The following INO80C variants were observed in gnomAD, a reference collection of about 807,000 sequenced individuals.
The protein encoded by INO80C is IES6 homolog.
INO80C carries 17 observed loss-of-function variants against 17.7 expected under a neutral mutation model. The ratio of observed to expected loss-of-function variants is 0.96; its 90% CI spans 0.66 to 1.44. The LOEUF is 1.44. Ranked by LOEUF, INO80C falls within the 40% of genes most tolerant of loss-of-function variation. The pLI, the probability that INO80C is intolerant of heterozygous loss-of-function variation, is 0.00. For synonymous variants in INO80C, 96 were observed against 95.8 expected (o/e 1.00, Z -0.01); for missense variants, 244 against 245.0 (o/e 1.00, Z 0.03).
chr18:35,487,921 C>T (rs1368229618), intron 1 of INO80C: 1 of 152,160 alleles, frequency 6.6e-6, no homozygotes, highest in Non-Finnish European at 1.5e-5. Flanking sequence ...TAGGCCAAAA[C>T]AAAGGGGCTA....
At chr18:35,493,781 C>A (rs1458932657) in intron 1 of INO80C, among the ~76,000 whole-genome samples, 1 of 152,214 alleles carries the variant, frequency 6.6e-6, no homozygotes, top group East Asian at 1.9e-4. Context: ...AAAAGGCACT[C>A]TAATGTCCTA....
Position 35,470,987 on chromosome 18 carries a change from G to A in INO80C, c.448-2245C>T, listed in dbSNP as rs539197730. ...GACAGGCAGTATTCACGGCTTGCCC[G>A]TCTCACCCAGAATACACTTTTCATA... On this transcript the variant is annotated intron_variant, in intron 4 of 4. Transcript: ENST00000334598. Among the ~76,000 whole-genome samples, 14 of 152,322 alleles carry A rather than the reference G, an allele frequency of 9.2e-5. No individual in the cohort carries two copies. In the South Asian group the frequency reaches 2.1e-3, roughly 23 times the overall value.
Position 35,497,901 on chromosome 18 carries a change from C to T in INO80C, c.-27G>A. 8 of 1,508,276 alleles carry T rather than the reference C, an allele frequency of 5.3e-6. No individual in the cohort carries two copies. The highest frequency in any genetic ancestry group is 2.6e-5 in the East Asian group (1 of 38,824). The allele number at this position is 1,508,276 out of a possible 1,614,324, so 93.4% of individuals were successfully genotyped here. The stretch of plus-strand genomic sequence containing the variant: ...GCACTCCGAGTCTTCCCCTGGTCCC[C>T]CCACCTTTTTCCCAGCGCGGGCCTT... On this transcript the variant is annotated 5_prime_UTR_variant, in exon 1 of 5. Transcript: ENST00000334598.
intron 1 of INO80C, among the ~76,000 whole-genome samples, chr18:35,496,468 G>A (rs1354702038): frequency 6.6e-6 from 1 of 152,238 alleles, no homozygotes; most frequent in Non-Finnish European, 1.5e-5. Flanking sequence ...GTACTGACAG[G>A]AAAATGTCAC....
chr18:35,472,634 G>C (rs537456067), intron 4 of INO80C, among the ~76,000 whole-genome samples: 11 of 152,256 alleles, frequency 7.2e-5, no homozygotes, highest in African/African-American at 2.2e-4. Flanking sequence ...TGCAAGGTCA[G>C]AGGTTTTTCT....
Position 35,468,598 on chromosome 18 carries a change from C to A in INO80C, c.*13G>T. 3.1e-6 allele frequency: 5 copies of A among 1,614,130 alleles called. No individual in the cohort carries two copies. In the South Asian group the frequency reaches 5.5e-5, roughly 18 times the overall value. ...TTTGAAACAGCTTTCCACTTCATCT[C>A]CCTTTCTGGGGCTCAGGGAACGATG... On this transcript the variant is annotated 3_prime_UTR_variant, in exon 5 of 5. Transcript: ENST00000334598.
At position 35,474,238 on chromosome 18, in the gene INO80C, T is replaced by TAC. The variant is rs1242566035; in HGVS notation, c.447+4043_447+4044insGT. Among the ~76,000 whole-genome samples the TAC allele has an allele frequency of 3.8e-5, 5 of 133,252 alleles. 1 individual carries two copies. The highest frequency in any genetic ancestry group is 1.4e-4 in the African/African-American group (5 of 34,678). The allele number at this position is 133,252 out of a possible 152,430, so 87.4% of individuals were successfully genotyped here. The stretch of plus-strand genomic sequence containing the variant: ...ATATATATATATATATATATATATA[T>TAC]ATATATACTTAATAACTAAGTAGTC... On this transcript the variant is annotated intron_variant, in intron 4 of 4. Coordinates refer to ENST00000334598, the MANE Select transcript of INO80C (RefSeq NM_194281.4).
chr18:35,469,276 C>T (rs1460356288), intron 4 of INO80C, among the ~76,000 whole-genome samples: 1 of 152,202 alleles, frequency 6.6e-6, no homozygotes, highest in South Asian at 2.1e-4. Context: ...CCTAGAACTG[C>T]GGCCAGGATC....
chr18:35,474,594 C>T (rs769597845), intron 4 of INO80C, among the ~76,000 whole-genome samples: 1 of 151,874 alleles, frequency 6.6e-6, no homozygotes, highest in South Asian at 2.1e-4. Context: ...GGCTGAAGCA[C>T]GTGGATCGCT....
intron 4 of INO80C, 144 bp downstream of exon 4, chr18:35,478,138 G>A: frequency 1.7e-6 from 1 of 593,838 alleles, no homozygotes; most frequent in Non-Finnish European, 2.9e-6. Flanking sequence ...TTGCAGCAAT[G>A]AACACACTGC....
intron 1 of INO80C, 53 bp downstream of exon 1, chr18:35,497,666 G>A (rs1487326217): frequency 5.7e-6 from 9 of 1,575,198 alleles, no homozygotes; most frequent in South Asian, 4.6e-5. Context: ...GCTCCGCCCC[G>A]CCAAGTCCCG....
Position 35,479,299 on chromosome 18 carries a change from CAGTT to C in INO80C, c.376_379del (p.Asn126ThrfsTer58), listed in dbSNP as rs747597228. The C allele has an allele frequency of 1.3e-6, 2 of 1,593,008 alleles. No individual in the cohort carries two copies. Among genetic ancestry groups the C allele is most frequent in the Non-Finnish European group, 1.7e-6 (2 of 1,160,820 alleles). Reference sequence around the variant, plus strand: ...CACATGGAAGGCTCTAGACAGCTCACAGTTAGGATCGTTCAGTTGCCACGGCAAT... The same window carrying C: ...CACATGGAAGGCTCTAGACAGCTCACAGGATCGTTCAGTTGCCACGGCAAT... On this transcript the variant is annotated frameshift_variant and splice_region_variant, in exon 3 of 5. Coordinates refer to ENST00000334598, the MANE Select transcript of INO80C (RefSeq NM_194281.4). LOFTEE classifies it high-confidence loss of function.
intron 1 of INO80C, among the ~76,000 whole-genome samples, chr18:35,494,221 T>C (rs931685333): frequency 2.6e-5 from 4 of 152,206 alleles, no homozygotes; most frequent in African/African-American, 7.2e-5. Flanking sequence ...AATGGTTTCA[T>C]TTGTGTGATA....
Position 35,468,520 on chromosome 18 carries a change from ACAG to A in INO80C, c.*88_*90del, listed in dbSNP as rs2045629468. Reference sequence around the variant, plus strand: ...GCACAGCACTGGCATTTTCAGATTGACAGCAGAACGAGTTTGTTTCCGTGAAAC... The same window carrying A: ...GCACAGCACTGGCATTTTCAGATTGACAGAACGAGTTTGTTTCCGTGAAAC... On this transcript the variant is annotated 3_prime_UTR_variant, in exon 5 of 5. Coordinates refer to ENST00000334598, the MANE Select transcript of INO80C (RefSeq NM_194281.4). The A allele has an allele frequency of 6.3e-7, 1 of 1,585,436 alleles. No homozygotes were observed. The highest frequency in any genetic ancestry group is 1.4e-5 in the African/African-American group (1 of 73,910).
chr18:35,496,594 TG>T (rs1183918063), intron 1 of INO80C, among the ~76,000 whole-genome samples: 1 of 152,232 alleles, frequency 6.6e-6, no homozygotes, highest in African/African-American at 2.4e-5. Context: ...AGGCTCACTC[TG>T]TTGCCCAAGC....
intron 1 of INO80C, among the ~76,000 whole-genome samples, chr18:35,494,587 G>C (rs2045961701): frequency 6.6e-6 from 1 of 152,184 alleles, no homozygotes; most frequent in African/African-American, 2.4e-5. Context: ...CAAGAAGACA[G>C]GGGCCCTGCA....
chr18:35,478,242 C>A lies in INO80C; in HGVS notation c.447+40G>T, dbSNP rs770761840. On this transcript the variant is annotated intron_variant, in intron 4 of 4. Transcript: ENST00000334598. ...GTCTAATTAGACATTACTGTGAAAT[C>A]TTTTCCATTTAATGTTATAAGAGAT... 2.8e-6 allele frequency: 4 copies of A among 1,409,666 alleles called. No individual in the cohort carries two copies. In the East Asian group the frequency reaches 6.9e-5, roughly 24 times the overall value. 87.3% of individuals were successfully genotyped at this position (1,409,666 alleles called of 1,614,324 possible).
At chr18:35,468,818 T>G in intron 4 of INO80C, 76 bp from the exon 5 acceptor site, 1 of 1,397,560 alleles carries the variant, frequency 7.2e-7, no homozygotes, top group Middle Eastern at 1.8e-4. Flanking sequence ...TTTAAAAATT[T>G]TTTCTATTTC....
At chr18:35,473,239 T>G (rs2045691698) in intron 4 of INO80C, among the ~76,000 whole-genome samples, 1 of 152,232 alleles carries the variant, frequency 6.6e-6, no homozygotes, top group Non-Finnish European at 1.5e-5. Flanking sequence ...AGATGAGCTC[T>G]CTTGCCATAA....
Sources: allele counts gnomAD v4.1 joint callset (sites outside exome capture counted in the v4.1 genomes callset), GRCh38; gene constraint gnomAD v4.1.1; transcripts MANE v1.5; gene names NCBI Gene and HGNC (gene_info 2026-07-23, HGNC 2026-07-21).